Variants in PODXL2 observed in about 807,000 individuals in gnomAD.
PODXL2 encodes podocalyxin-like protein 2.
In PODXL2, 17 loss-of-function variants were observed where a neutral mutation model predicts 53.4. That is an observed-to-expected ratio of 0.32 (90% confidence interval 0.22 to 0.48). The LOEUF (loss-of-function observed/expected upper bound fraction) is 0.48. Among genes scored for constraint, PODXL2 ranks in the 20% least tolerant of loss-of-function variants. The probability of loss-of-function intolerance (pLI) is 0.99; values close to 1 mark genes in which losing one functional copy is unlikely to be tolerated. For missense variants in PODXL2, 673 were observed against 760.0 expected (o/e 0.89, Z 1.35); for synonymous variants, 311 against 306.7 (o/e 1.01, Z -0.15).
intron 4 of PODXL2, among the ~76,000 whole-genome samples, chr3:127,665,608 G>T (rs1451168788): frequency 6.6e-6 from 1 of 152,226 alleles, no homozygotes; most frequent in African/African-American, 2.4e-5. Context: ...GAGATGCAAG[G>T]ATCTGATCCT....
intron 1 of PODXL2, among the ~76,000 whole-genome samples, chr3:127,630,339 C>CCTGT (rs2074535649): frequency 6.6e-6 from 1 of 152,206 alleles, no homozygotes; most frequent in African/African-American, 2.4e-5. Flanking sequence ...TGCATGTGTG[C>CCTGT]CTGTGCACAC....
At chr3:127,631,570 G>A (rs1188864321) in intron 1 of PODXL2, among the ~76,000 whole-genome samples, 1 of 152,094 alleles carries the variant, frequency 6.6e-6, no homozygotes, top group Non-Finnish European at 1.5e-5. Flanking sequence ...GAAAATTATA[G>A]GTGCTAGAGG....
intron 2 of PODXL2, among the ~76,000 whole-genome samples, chr3:127,649,995 A>G (rs1224386255): frequency 6.6e-6 from 1 of 151,942 alleles, no homozygotes; most frequent in Non-Finnish European, 1.5e-5. Flanking sequence ...TCTGTTTTAG[A>G]CATATTTATT....
At chr3:127,669,588 G>T (rs2074817559) in intron 6 of PODXL2, among the ~76,000 whole-genome samples, 1 of 152,180 alleles carries the variant, frequency 6.6e-6, no homozygotes, top group African/African-American at 2.4e-5. Flanking sequence ...GGGCGAGCAT[G>T]ATGGGTTCCA....
At chr3:127,633,032 T>C (rs915122649) in intron 1 of PODXL2, among the ~76,000 whole-genome samples, 14 of 152,218 alleles carry the variant, frequency 9.2e-5, no homozygotes, top group Non-Finnish European at 1.3e-4. Context: ...GATGAAACAT[T>C]TCCAAACACA....
chr3:127,656,218 C>G (rs962273441), intron 2 of PODXL2, among the ~76,000 whole-genome samples: 1 of 152,186 alleles, frequency 6.6e-6, no homozygotes, highest in African/African-American at 2.4e-5. Context: ...TTTATCAGAA[C>G]TATATCCAAA....
intron 1 of PODXL2, among the ~76,000 whole-genome samples, chr3:127,631,159 A>T (rs775438645): frequency 4.7e-5 from 7 of 148,954 alleles, no homozygotes; most frequent in Non-Finnish European, 1.0e-4. Context: ...GAGTGGAGGT[A>T]GCGTGACTGT....
At chr3:127,635,862 A>G (rs1320569959) in intron 1 of PODXL2, among the ~76,000 whole-genome samples, 1 of 152,008 alleles carries the variant, frequency 6.6e-6, no homozygotes, top group Non-Finnish European at 1.5e-5. Context: ...TCTCAGCTGA[A>G]CTCCTTCAAG....
rs187537020 is a variant in PODXL2, at chr3:127,660,529, A to G, written c.501A>G (p.Glu167=). The change falls in exon 3 of 8, where the codon GAA becomes GAG. Residue 167 remains glutamate, a synonymous_variant. Transcript: ENST00000342480. ...CTCCCAGAGAGGAGGAAGAAGAGGA[A>G]GAGGAAGAGGAGGAGAGGGAGAAGG... is the stretch of plus-strand genomic sequence containing the variant. ...HMPPREEEEE[E]EEEEEREKEE... 1.7e-5 allele frequency: 27 copies of G among 1,613,876 alleles called. No individual in the cohort carries two copies. The East Asian group carries it at 5.6e-4, about 33-fold the overall frequency.
At chr3:127,650,455 A>AG (rs2107708673) in intron 2 of PODXL2, among the ~76,000 whole-genome samples, 1 of 152,288 alleles carries the variant, frequency 6.6e-6, no homozygotes, top group Non-Finnish European at 1.5e-5. Context: ...AACCCATCAC[A>AG]GGGGGCGCGG....
chr3:127,670,788 CCTGG>C (rs2107546738), intron 6 of PODXL2, among the ~76,000 whole-genome samples: 1 of 151,954 alleles, frequency 6.6e-6, no homozygotes, highest in Admixed American at 6.5e-5. Flanking sequence ...ATAGCACCTG[CCTGG>C]CCCCTGGCGC....
Position 127,661,003 on chromosome 3 carries a change from C to T in PODXL2, c.975C>T (p.Pro325=). 1.2e-6 allele frequency: 2 copies of T among 1,614,246 alleles called. No individual in the cohort carries two copies. Among genetic ancestry groups the T allele is most frequent in the Non-Finnish European group, 1.7e-6 (2 of 1,180,048 alleles). The stretch of plus-strand genomic sequence containing the variant: ...GGGCCGAGCACCCAGATGAAGATCC[C>T]CTTGGCTCTAGAACCTCAGCCTCTT... The part of the protein sequence containing the change: ...PSGAEHPDED[P]LGSRTSASSP... The change falls in exon 3 of 8, where the codon CCC becomes CCT. Residue 325 remains proline, a synonymous_variant. Transcript: ENST00000342480.
chr3:127,653,387 C>G (rs975267290), intron 2 of PODXL2, among the ~76,000 whole-genome samples: 3 of 152,238 alleles, frequency 2.0e-5, no homozygotes, highest in African/African-American at 7.2e-5. Context: ...GGGCTCTCTC[C>G]TGTAAGCCCA....
At chr3:127,648,693 G>T (rs925271140) in intron 2 of PODXL2, among the ~76,000 whole-genome samples, 1 of 150,392 alleles carries the variant, frequency 6.6e-6, no homozygotes, top group African/African-American at 2.5e-5. Context: ...TTGGCTCACT[G>T]CAACCTCTGC....
intron 2 of PODXL2, among the ~76,000 whole-genome samples, chr3:127,649,506 C>G (rs2074675839): frequency 6.6e-6 from 1 of 152,236 alleles, no homozygotes; most frequent in African/African-American, 2.4e-5. Flanking sequence ...GCTTTCCTTC[C>G]CATCCCTCAC....
intron 2 of PODXL2, among the ~76,000 whole-genome samples, chr3:127,642,203 T>C (rs866844005): frequency 6.7e-6 from 1 of 149,078 alleles, no homozygotes; most frequent in Admixed American, 6.7e-5. Flanking sequence ...GGCAGGAGAG[T>C]TGCTTGAACC....
intron 3 of PODXL2, 63 bp downstream of exon 3, chr3:127,661,222 G>A (rs3821580): frequency 0.016 from 20,291 of 1,280,178 alleles, 779 homozygotes; most frequent in African/African-American, 0.11. Context: ...GCCATCCCCA[G>A]GGCTAGTGTG....
intron 2 of PODXL2, among the ~76,000 whole-genome samples, chr3:127,659,415 G>A (rs2074747598): frequency 6.6e-6 from 1 of 152,074 alleles, no homozygotes; most frequent in African/African-American, 2.4e-5. Flanking sequence ...TAAAAGTTTT[G>A]GAGGAGGAGG....
chr3:127,666,468 C>G (rs1231150021), intron 4 of PODXL2, among the ~76,000 whole-genome samples: 1 of 152,006 alleles, frequency 6.6e-6, no homozygotes, highest in African/African-American at 2.4e-5. Flanking sequence ...AGTACAGTGG[C>G]ACAATGTCAG....
Sources: allele counts gnomAD v4.1 joint callset (sites outside exome capture counted in the v4.1 genomes callset), GRCh38; gene constraint gnomAD v4.1.1; transcripts MANE v1.5; gene names NCBI Gene and HGNC (gene_info 2026-07-23, HGNC 2026-07-21).